Variants in AFG2B observed in about 807,000 individuals in gnomAD.
AFG2B encodes ATPase family gene 2 protein homolog B.
chr15:45,403,659 A>G, the AFG2B span: 20 of 1,035,472 alleles, frequency 1.9e-5, no homozygotes, highest in Non-Finnish European at 2.5e-5. Context: ...TGCAGAGAAC[A>G]CGTTCTCTGC....
chr15:45,403,387 C>T, the AFG2B span: 1 of 1,611,272 alleles, frequency 6.2e-7, no homozygotes, highest in Non-Finnish European at 8.5e-7. Context: ...ACCCGAGAGC[C>T]GCGTAGTGGC....
chr15:45,413,525 A>G, the AFG2B span, among the ~76,000 whole-genome samples: 1 of 152,214 alleles, frequency 6.6e-6, no homozygotes, highest in Non-Finnish European at 1.5e-5. Flanking sequence ...GTCCCTATGT[A>G]AAGTACAATT....
At chr15:45,421,055 G>GCT in the AFG2B span, 1 of 1,610,190 alleles carries the variant, frequency 6.2e-7, no homozygotes, top group Non-Finnish European at 8.5e-7. Flanking sequence ...TGCTTTGCTG[G>GCT]CTCTGCAAGA....
chr15:45,420,948 T>C, the AFG2B span: 1 of 1,283,412 alleles, frequency 7.8e-7, no homozygotes, highest in Non-Finnish European at 1.1e-6. Context: ...GTCCAGATCG[T>C]GCCACTGCAC....
chr15:45,408,818 G>A, the AFG2B span, among the ~76,000 whole-genome samples: 1 of 152,094 alleles, frequency 6.6e-6, no homozygotes, highest in Non-Finnish European at 1.5e-5. Context: ...CCAGGTGTTC[G>A]AGGCTCAATG....
the AFG2B span, among the ~76,000 whole-genome samples, chr15:45,420,666 C>G: frequency 2.6e-5 from 4 of 151,472 alleles, no homozygotes; most frequent in African/African-American, 9.7e-5. Flanking sequence ...ATTTTCCATT[C>G]AGAGTTTAAA....
chr15:45,418,692 T>C, the AFG2B span: 1 of 1,596,542 alleles, frequency 6.3e-7, no homozygotes, highest in Non-Finnish European at 8.5e-7. Flanking sequence ...AGTAAGTTAA[T>C]TATTGAAGAA....
At chr15:45,418,475 C>T in the AFG2B span, 1 of 1,402,218 alleles carries the variant, frequency 7.1e-7, no homozygotes, top group South Asian at 1.5e-5. Flanking sequence ...AAAGGAAACT[C>T]AAGCTAAAAA....
the AFG2B span, among the ~76,000 whole-genome samples, chr15:45,403,815 G>T: frequency 1.3e-5 from 2 of 152,150 alleles, no homozygotes; most frequent in Non-Finnish European, 2.9e-5. Flanking sequence ...TAATTTTGTT[G>T]TGCAGGTCCT....
the AFG2B span, among the ~76,000 whole-genome samples, chr15:45,406,605 T>G: frequency 6.6e-6 from 1 of 152,248 alleles, no homozygotes; most frequent in Non-Finnish European, 1.5e-5. Flanking sequence ...TAAAATCCAG[T>G]ATTTTGTATA....
chr15:45,406,409 C>T, the AFG2B span, among the ~76,000 whole-genome samples: 1 of 152,010 alleles, frequency 6.6e-6, no homozygotes, highest in African/African-American at 2.4e-5. Context: ...GTCAAGATAC[C>T]GTTTTTCCCT....
the AFG2B span, among the ~76,000 whole-genome samples, chr15:45,409,568 C>G: frequency 2.0e-5 from 3 of 151,426 alleles, no homozygotes; most frequent in Non-Finnish European, 2.9e-5. Flanking sequence ...ACATAAAATA[C>G]TTGAACATGA....
the AFG2B span, among the ~76,000 whole-genome samples, chr15:45,404,226 G>C: frequency 6.6e-6 from 1 of 152,154 alleles, no homozygotes. Context: ...AGCTCAGTTA[G>C]TTCAGGACTT....
the AFG2B span, chr15:45,407,100 A>G: frequency 1.6e-6 from 2 of 1,289,096 alleles, no homozygotes; most frequent in African/African-American, 3.0e-5. Flanking sequence ...GGTGGAGCCC[A>G]CTGCTACTTC....
the AFG2B span, among the ~76,000 whole-genome samples, chr15:45,410,116 A>C: frequency 6.6e-6 from 1 of 152,226 alleles, no homozygotes; most frequent in Non-Finnish European, 1.5e-5. Flanking sequence ...GTATCTGTTT[A>C]AAAGGATATA....
At chr15:45,417,590 A>G in the AFG2B span, 2 of 533,774 alleles carry the variant, frequency 3.7e-6, no homozygotes, top group Admixed American at 3.3e-5. Context: ...ATAAGCCTAA[A>G]TATATGGTGG....
chr15:45,407,806 T>A, the AFG2B span, among the ~76,000 whole-genome samples: 7 of 152,286 alleles, frequency 4.6e-5, no homozygotes, highest in East Asian at 1.3e-3. Flanking sequence ...CTTTAATAAA[T>A]ACAGTACAGA....
At chr15:45,411,774 C>A in the AFG2B span, among the ~76,000 whole-genome samples, 2 of 152,040 alleles carry the variant, frequency 1.3e-5, no homozygotes, top group Non-Finnish European at 2.9e-5. Context: ...GGCAACAGAG[C>A]GAGATCCTGT....
At chr15:45,405,667 T>C in the AFG2B span, among the ~76,000 whole-genome samples, 1 of 152,180 alleles carries the variant, frequency 6.6e-6, no homozygotes, top group Non-Finnish European at 1.5e-5. Flanking sequence ...AAATAGTATA[T>C]GATTGAGGGT....
Sources: allele counts gnomAD v4.1 joint callset (sites outside exome capture counted in the v4.1 genomes callset), GRCh38; gene constraint gnomAD v4.1.1; transcripts MANE v1.5; gene names NCBI Gene and HGNC (gene_info 2026-07-23, HGNC 2026-07-21).